Variants in FHIT observed in about 807,000 individuals in gnomAD.
The protein encoded by FHIT is fragile histidine triad diadenosine triphosphatase, also known as bis(5'-adenosyl)-triphosphatase.
Under a neutral mutation model 17.9 loss-of-function variants are expected in FHIT, and 19 were observed. The observed-to-expected ratio is 1.06, with a 90% confidence interval of 0.74 to 1.56. FHIT has a LOEUF of 1.56. FHIT is among the 40% of genes most tolerant of loss of function. The pLI is 0.00. For synonymous variants in FHIT, 81 were observed against 69.7 expected (o/e 1.16, Z -0.81); for missense variants, 248 against 189.2 (o/e 1.31, Z -1.82).
chr3:60,088,085 T>C (rs1160699896), intron 5 of FHIT, among the ~76,000 whole-genome samples: 6 of 152,188 alleles, frequency 3.9e-5, no homozygotes, highest in Non-Finnish European at 8.8e-5. Flanking sequence ...CTTATGAGCT[T>C]ATGTATGGAG....
At chr3:59,767,752 T>C (rs1401719529) in intron 8 of FHIT, among the ~76,000 whole-genome samples, 1 of 152,182 alleles carries the variant, frequency 6.6e-6, no homozygotes, top group Non-Finnish European at 1.5e-5. Flanking sequence ...ACCCCATCCA[T>C]GGTGCTGTCA....
intron 3 of FHIT, among the ~76,000 whole-genome samples, chr3:60,878,912 C>G (rs1375038792): frequency 6.6e-6 from 1 of 152,064 alleles, no homozygotes; most frequent in Non-Finnish European, 1.5e-5. Flanking sequence ...GGGTTGGTTC[C>G]AAGTCTTTGA....
At chr3:60,572,975 T>A (rs2037438533) in intron 4 of FHIT, among the ~76,000 whole-genome samples, 1 of 152,122 alleles carries the variant, frequency 6.6e-6, no homozygotes, top group South Asian at 2.1e-4. Flanking sequence ...GTAGTTCCTA[T>A]TATTTCCATA....
chr3:59,995,424 A>G (rs1377151463), intron 7 of FHIT, among the ~76,000 whole-genome samples: 1 of 152,080 alleles, frequency 6.6e-6, no homozygotes, highest in African/African-American at 2.4e-5. Context: ...TTAAACTTCA[A>G]CAACTAATTG....
At chr3:60,721,775 A>G (rs1479521487) in intron 4 of FHIT, among the ~76,000 whole-genome samples, 1 of 152,194 alleles carries the variant, frequency 6.6e-6, no homozygotes, top group Non-Finnish European at 1.5e-5. Flanking sequence ...GCTTTTCAAG[A>G]TCCACAAATG....
intron 4 of FHIT, among the ~76,000 whole-genome samples, chr3:60,776,169 T>C (rs1232263496): frequency 6.6e-6 from 1 of 152,154 alleles, no homozygotes; most frequent in African/African-American, 2.4e-5. Context: ...CTGGTAATTG[T>C]GGCAAGGATT....
intron 7 of FHIT, among the ~76,000 whole-genome samples, chr3:59,982,817 G>A (rs1055353885): frequency 5.3e-5 from 8 of 152,116 alleles, no homozygotes; most frequent in African/African-American, 1.9e-4. Flanking sequence ...TCTTGGAACT[G>A]GGATTCTGAG....
intron 6 of FHIT, 91 bp downstream of exon 6, chr3:60,013,916 C>A: frequency 1.5e-6 from 2 of 1,306,826 alleles, no homozygotes; most frequent in Non-Finnish European, 2.2e-6. Flanking sequence ...ACAATCACAT[C>A]TGCCCTCCTG....
chr3:59,840,096 C>T (rs1701476044), intron 8 of FHIT, among the ~76,000 whole-genome samples: 1 of 152,124 alleles, frequency 6.6e-6, no homozygotes, highest in African/African-American at 2.4e-5. Context: ...AGAGCTGTCA[C>T]TCTGTGGGCT....
intron 5 of FHIT, among the ~76,000 whole-genome samples, chr3:60,121,554 C>A (rs1356916748): frequency 6.6e-6 from 1 of 151,920 alleles, no homozygotes; most frequent in Non-Finnish European, 1.5e-5. Context: ...CGTGGTGGTG[C>A]GTGCCAGTAA....
intron 8 of FHIT, among the ~76,000 whole-genome samples, chr3:59,853,138 C>T (rs1364542158): frequency 6.6e-6 from 1 of 152,182 alleles, no homozygotes; most frequent in African/African-American, 2.4e-5. Flanking sequence ...GCATTCCCAA[C>T]AGAAATGAAT....
At chr3:60,516,808 C>G (rs1346900828) in intron 5 of FHIT, among the ~76,000 whole-genome samples, 1 of 152,152 alleles carries the variant, frequency 6.6e-6, no homozygotes, top group Non-Finnish European at 1.5e-5. Context: ...ATTCTGACAG[C>G]TGAGACAATG....
chr3:60,346,721 G>A (rs887918143), intron 5 of FHIT, among the ~76,000 whole-genome samples: 2 of 152,126 alleles, frequency 1.3e-5, no homozygotes, highest in Non-Finnish European at 2.9e-5. Context: ...TGCAACAGTT[G>A]CAACTAAATT....
At chr3:60,391,501 T>C (rs561636154) in intron 5 of FHIT, among the ~76,000 whole-genome samples, 1 of 152,168 alleles carries the variant, frequency 6.6e-6, no homozygotes, top group African/African-American at 2.4e-5. Flanking sequence ...TACTGACTCA[T>C]CCTGAGCAAC....
chr3:59,804,641 G>A (rs571375709), intron 8 of FHIT, among the ~76,000 whole-genome samples: 4 of 152,200 alleles, frequency 2.6e-5, no homozygotes, highest in African/African-American at 9.6e-5. Context: ...AGAGGATGAA[G>A]TAAAGTTATG....
At chr3:60,104,482 CT>C (rs35294469) in intron 5 of FHIT, among the ~76,000 whole-genome samples, 33 of 147,494 alleles carry the variant, frequency 2.2e-4, no homozygotes, top group African/African-American at 2.5e-4. Flanking sequence ...GTGAATTAAA[CT>C]TTTTTTTTTT....
intron 4 of FHIT, among the ~76,000 whole-genome samples, chr3:60,604,472 G>T (rs1312636854): frequency 6.6e-6 from 1 of 152,176 alleles, no homozygotes; most frequent in Non-Finnish European, 1.5e-5. Flanking sequence ...AGCCAGACAT[G>T]CATTTTTGCC....
chr3:60,288,337 G>A lies in FHIT; in HGVS notation c.103+248523C>T, dbSNP rs1018622086. On this transcript the variant is annotated intron_variant, in intron 5 of 9. Transcript: ENST00000492590. Reference sequence around the variant, plus strand: ...TACAAGGTGGGAGGAGATGTCACTAGGAGGAGAATTTTAAAAGGTAAGGAT... The same window carrying A: ...TACAAGGTGGGAGGAGATGTCACTAAGAGGAGAATTTTAAAAGGTAAGGAT... 6.6e-5 allele frequency among the ~76,000 whole-genome samples: 10 copies of A among 152,088 alleles called. 1 individual carries two copies. The highest frequency in any genetic ancestry group is 1.5e-5 in the Non-Finnish European group (1 of 68,034).
chr3:60,177,502 G>A (rs1270185934), intron 5 of FHIT, among the ~76,000 whole-genome samples: 2 of 152,140 alleles, frequency 1.3e-5, no homozygotes, highest in Non-Finnish European at 2.9e-5. Flanking sequence ...TCTAACTATA[G>A]TCCCTTCGCA....
Sources: allele counts gnomAD v4.1 joint callset (sites outside exome capture counted in the v4.1 genomes callset), GRCh38; gene constraint gnomAD v4.1.1; transcripts MANE v1.5; gene names NCBI Gene and HGNC (gene_info 2026-07-23, HGNC 2026-07-21).